Variants in CAGE1 observed in about 807,000 individuals in gnomAD.
CAGE1 encodes the protein cancer antigen 1, also known as cancer-associated gene 1 protein.
In CAGE1, 66 loss-of-function variants were observed where a neutral mutation model predicts 94.9. The ratio of observed to expected loss-of-function variants is 0.70; its 90% CI spans 0.57 to 0.85. The LOEUF (loss-of-function observed/expected upper bound fraction) is 0.85, where lower values mean the gene tolerates loss of function less well. Ranked by LOEUF, CAGE1 falls within the 40% of genes least tolerant of loss-of-function variation. CAGE1 has a pLI of 0.00. For missense variants in CAGE1, 865 were observed against 950.4 expected (o/e 0.91, Z 1.18); for synonymous variants, 319 against 321.0 (o/e 0.99, Z 0.07).
intron 11 of CAGE1, 48 bp from the exon 12 acceptor site, chr6:7,334,138 G>T: frequency 2.5e-6 from 3 of 1,185,634 alleles, no homozygotes; most frequent in African/African-American, 1.5e-5. Context: ...GACTTTTCTA[G>T]ACCAATATTT....
intron 11 of CAGE1, chr6:7,340,855 C>A: frequency 4.8e-6 from 2 of 417,810 alleles, no homozygotes; most frequent in South Asian, 4.2e-5. Context: ...GCTTCTGTTC[C>A]TGCAGCACAC....
At chr6:7,376,414 A>AAATG (rs1760745618) in intron 4 of CAGE1, among the ~76,000 whole-genome samples, 1 of 150,768 alleles carries the variant, frequency 6.6e-6, no homozygotes, top group Non-Finnish European at 1.5e-5. Context: ...ATAAATAAAT[A>AAATG]AATAAATAAA....
intron 11 of CAGE1, among the ~76,000 whole-genome samples, chr6:7,343,198 A>AAAAAAAAAAAAGAAAAG (rs574460085): frequency 2.9e-5 from 4 of 137,358 alleles, no homozygotes; most frequent in East Asian, 2.1e-4. Flanking sequence ...CACAAAAAAA[A>AAAAAAAAAAAAGAAAAG]AAAAGAAAAG....
intron 12 of CAGE1, among the ~76,000 whole-genome samples, chr6:7,330,628 G>C (rs1758711055): frequency 6.6e-6 from 1 of 152,172 alleles, no homozygotes; most frequent in Non-Finnish European, 1.5e-5. Context: ...ATAATTTTGA[G>C]AGGCTGCAGA....
In CAGE1 at chr6:7,357,087, C is replaced by T. The variant is rs149676314; in HGVS notation, c.2194-958G>A. 2.2e-3 allele frequency among the ~76,000 whole-genome samples: 338 copies of T among 152,228 alleles called. 1 individual carries two copies. Among genetic ancestry groups the T allele is most frequent in the African/African-American group, 7.8e-3 (326 of 41,542 alleles). ...TGCTGAGATTACAGGTGTGAGCCAC[C>T]GCGCCCAGCCTAATGTTTCAAATAT... On this transcript the variant is annotated intron_variant, in intron 9 of 13. Transcript: ENST00000502583.
At chr6:7,387,635 A>C (rs1314009590) in intron 1 of CAGE1, among the ~76,000 whole-genome samples, 1 of 152,022 alleles carries the variant, frequency 6.6e-6, no homozygotes, top group Non-Finnish European at 1.5e-5. Flanking sequence ...CCTCAGGTAC[A>C]TGTGTTTGAA....
chr6:7,354,239 T>C (rs756504503), intron 11 of CAGE1, among the ~76,000 whole-genome samples: 1 of 152,204 alleles, frequency 6.6e-6, no homozygotes, highest in Non-Finnish European at 1.5e-5. Context: ...TGAATTTCCT[T>C]GGTTATAAGC....
chr6:7,345,853 A>G (rs1262226370), intron 11 of CAGE1, among the ~76,000 whole-genome samples: 1 of 152,128 alleles, frequency 6.6e-6, no homozygotes, highest in Non-Finnish European at 1.5e-5. Flanking sequence ...TGAACCCGGG[A>G]GGAGAAGCTT....
At chr6:7,332,532 C>T (rs1198407475) in intron 12 of CAGE1, among the ~76,000 whole-genome samples, 1 of 152,210 alleles carries the variant, frequency 6.6e-6, no homozygotes, top group African/African-American at 2.4e-5. Flanking sequence ...AGCTATCCAA[C>T]ACAGCCCCTC....
intron 5 of CAGE1, among the ~76,000 whole-genome samples, chr6:7,370,801 T>G (rs1014110154): frequency 6.6e-6 from 1 of 152,138 alleles, no homozygotes; most frequent in Non-Finnish European, 1.5e-5. Flanking sequence ...AAAACTCCAC[T>G]GTACACTTGT....
At position 7,336,853 on chromosome 6, in the gene CAGE1, T is replaced by C. The variant is rs74578593; in HGVS notation, c.2370-2763A>G. The stretch of plus-strand genomic sequence containing the variant: ...GTGCTTATTTGCCATCCATATACTT[T>C]CTTGGTAGAATCTCTACTAAAATCT... On this transcript the variant is annotated intron_variant, in intron 11 of 13. Coordinates refer to ENST00000502583, the MANE Select transcript of CAGE1 (RefSeq NM_001170692.2). Among the ~76,000 whole-genome samples, 1,785 of 152,318 alleles carry C rather than the reference T, an allele frequency of 0.012. 70 individuals are homozygous for C. In the East Asian group the frequency reaches 0.15, roughly 13 times the overall value.
intron 11 of CAGE1, among the ~76,000 whole-genome samples, chr6:7,350,079 A>AT (rs1348209788): frequency 3.9e-5 from 6 of 152,216 alleles, no homozygotes; most frequent in African/African-American, 1.4e-4. Context: ...TTTCATGCAA[A>AT]TGGACACCAA....
intron 4 of CAGE1, among the ~76,000 whole-genome samples, chr6:7,376,851 C>T (rs573818129): frequency 2.0e-5 from 3 of 152,294 alleles, no homozygotes; most frequent in South Asian, 2.1e-4. Flanking sequence ...TCCTTTAGAG[C>T]TCAGCTCAAT....
intron 3 of CAGE1, among the ~76,000 whole-genome samples, chr6:7,380,224 G>A (rs1249935450): frequency 6.6e-6 from 1 of 152,182 alleles, no homozygotes; most frequent in East Asian, 1.9e-4. Context: ...TAGATGTCCA[G>A]TGTCACTGTT....
In CAGE1 at chr6:7,343,198, A is replaced by AAAAAAAAAGAAAAGAAAAGAAAAG. The variant is rs574460085; in HGVS notation, c.2370-9109_2370-9108insCTTTTCTTTTCTTTTCTTTTTTTT. On this transcript the variant is annotated intron_variant, in intron 11 of 13. Transcript: ENST00000502583. ...TGCGAGACTCTGTCCCACAAAAAAAAAAAAGAAAAGAAAAGAAAAGAAAAA... is the reference window on the plus strand; with the variant it reads ...TGCGAGACTCTGTCCCACAAAAAAAAAAAAAAAAGAAAAGAAAAGAAAAGAAAAGAAAAGAAAAGAAAAGAAAAA... 8.2e-3 allele frequency among the ~76,000 whole-genome samples: 1,122 copies of AAAAAAAAAGAAAAGAAAAGAAAAG among 137,272 alleles called. 9 individuals are homozygous for AAAAAAAAAGAAAAGAAAAGAAAAG. Among genetic ancestry groups the AAAAAAAAAGAAAAGAAAAGAAAAG allele is most frequent in the African/African-American group, 0.011 (402 of 35,362 alleles). The allele number at this position is 137,272 out of a possible 152,430, so 90.1% of individuals were successfully genotyped here. A position where few individuals can be genotyped will look rare whatever the true frequency, so the allele number is the denominator to read the frequency against.
At position 7,358,027 on chromosome 6, in the gene CAGE1, GATATATATAT is replaced by G. The variant is rs55850429; in HGVS notation, c.2194-1908_2194-1899del. Among the ~76,000 whole-genome samples, 192 of 48,072 alleles carry G rather than the reference GATATATATAT, an allele frequency of 4.0e-3. 4 individuals are homozygous for G. Among genetic ancestry groups the G allele is most frequent in the East Asian group, 0.023 (21 of 904 alleles). 31.5% of individuals were successfully genotyped at this position (48,072 alleles called of 152,430 possible). A position where few individuals can be genotyped will look rare whatever the true frequency, so the allele number is the denominator to read the frequency against. ...CAGACTGCGGTTAGGTAAGTTTTGA[GATATATATAT>G]ATATATATATATATATATATATATA... On this transcript the variant is annotated intron_variant, in intron 9 of 13. Coordinates refer to ENST00000502583, the MANE Select transcript of CAGE1 (RefSeq NM_001170692.2).
At position 7,339,296 on chromosome 6, in the gene CAGE1, C is replaced by T; in HGVS notation, c.2370-5206G>A. Reference sequence around the variant, plus strand: ...CAATGGCACACAGACCCCTAGTGGCCACCTCTTCAGCATAAAGCTCTACAC... The same window carrying T: ...CAATGGCACACAGACCCCTAGTGGCTACCTCTTCAGCATAAAGCTCTACAC... On this transcript the variant is annotated intron_variant, in intron 11 of 13. Coordinates refer to ENST00000502583, the MANE Select transcript of CAGE1 (RefSeq NM_001170692.2). The surrounding 1 kb of genome is among the most constrained non-coding windows in gnomAD (Gnocchi z 4.7). 4.4e-6 allele frequency: 7 copies of T among 1,581,310 alleles called. No homozygotes were observed. The South Asian group carries it at 5.5e-5, about 12-fold the overall frequency.
chr6:7,378,832 G>T lies in CAGE1; in HGVS notation c.472C>A (p.Gln158Lys). The change falls in exon 4 of 14, where the codon CAA becomes AAA. Residue 158 changes from glutamine (Q) to lysine (K), a missense_variant. By Grantham distance (53) the Gln-to-Lys change is moderately conservative (BLOSUM62 1). Transcript: ENST00000502583. ...GGATTTTCTTCCTTAAATGAGTCTT[G>T]CTTTATATTGTTGTCTTTTGCATAA... ...YNYAKDNNIK[Q>K]DSFKEENPME... 6.2e-7 allele frequency: 1 copy of T among 1,613,020 alleles called. No homozygotes were observed. Among genetic ancestry groups the T allele is most frequent in the Non-Finnish European group, 8.5e-7 (1 of 1,179,360 alleles).
intron 9 of CAGE1, among the ~76,000 whole-genome samples, chr6:7,364,182 C>A (rs1489791529): frequency 6.6e-6 from 1 of 152,154 alleles, no homozygotes; most frequent in African/African-American, 2.4e-5. Flanking sequence ...GCTCCCTATG[C>A]CCAAATTTTA....
Sources: allele counts gnomAD v4.1 joint callset (sites outside exome capture counted in the v4.1 genomes callset), GRCh38; gene constraint gnomAD v4.1.1; non-coding constraint Gnocchi (gnomAD v3.1); transcripts MANE v1.5; gene names NCBI Gene and HGNC (gene_info 2026-07-23, HGNC 2026-07-21).